The following SRPK2 variants were observed in gnomAD, a reference collection of about 807,000 sequenced individuals.
The protein encoded by SRPK2 is SFRS protein kinase 2.
A neutral mutation model predicts 90.8 loss-of-function variants in SRPK2; 21 were observed. The observed-to-expected ratio is 0.23, with a 90% CI of 0.16 to 0.33. The LOEUF (loss-of-function observed/expected upper bound fraction) is 0.33. Ranked by LOEUF, SRPK2 falls within the 10% of genes least tolerant of loss-of-function variation. The pLI is 1.00. For synonymous variants in SRPK2, 288 were observed against 311.1 expected (o/e 0.93, Z 0.78); for missense variants, 620 against 869.0 (o/e 0.71, Z 3.60).
At chr7:105,159,325 A>G (rs1249208257) in intron 7 of SRPK2, among the ~76,000 whole-genome samples, 2 of 151,836 alleles carry the variant, frequency 1.3e-5, no homozygotes, top group African/African-American at 4.8e-5. Flanking sequence ...GTCTCTACTA[A>G]AAATACAAAA....
intron 2 of SRPK2, among the ~76,000 whole-genome samples, chr7:105,233,091 A>AGAAGGTAG (rs1799679057): frequency 1.1e-5 from 1 of 91,846 alleles, no homozygotes; most frequent in Non-Finnish European, 2.3e-5. Context: ...AAGGAAGGAA[A>AGAAGGTAG]GAAGGAAGGA....
In SRPK2 at chr7:105,323,997, G is replaced by A. The variant is rs868447729; in HGVS notation, c.71+64651C>T. On this transcript the variant is annotated intron_variant, in intron 2 of 15. Coordinates refer to ENST00000393651, the MANE Select transcript of SRPK2 (RefSeq NM_182692.3). ...TGTGTGTGTGTGTGTGTGTGTGTGT[G>A]TGTGTGTGTGTGTGTGTGTGGTGGA... 5.8e-3 allele frequency among the ~76,000 whole-genome samples: 575 copies of A among 99,478 alleles called. 3 individuals carry two copies. The highest frequency in any genetic ancestry group is 0.013 in the African/African-American group (460 of 34,188). The allele number at this position is 99,478 out of a possible 152,430, so 65.3% of individuals were successfully genotyped here.
intron 7 of SRPK2, among the ~76,000 whole-genome samples, chr7:105,151,998 T>C (rs1336864609): frequency 6.9e-6 from 1 of 144,196 alleles, no homozygotes; most frequent in African/African-American, 2.6e-5. Context: ...CACTCCAGTA[T>C]GGGCAACAGA....
In SRPK2 at chr7:105,271,260, G is replaced by T. The variant is rs577932423; in HGVS notation, c.72-67475C>A. ...CAAGATTAAATTACACAGCTCTAAC[G>T]AAGTTAATGCCTATCTTGTAAACAC... On this transcript the variant is annotated intron_variant, in intron 2 of 15. Transcript: ENST00000393651. 7.9e-5 allele frequency among the ~76,000 whole-genome samples: 12 copies of T among 152,280 alleles called. 1 individual carries two copies. In the South Asian group the frequency reaches 2.5e-3, roughly 32 times the overall value.
chr7:105,144,008 A>C (rs1439050474), intron 9 of SRPK2: 1 of 152,208 alleles, frequency 6.6e-6, no homozygotes, highest in Non-Finnish European at 1.5e-5. Flanking sequence ...TTAATTATTA[A>C]AGCTCCCTCT....
intron 2 of SRPK2, among the ~76,000 whole-genome samples, chr7:105,226,492 C>A (rs1157402170): frequency 6.6e-6 from 1 of 151,942 alleles, no homozygotes; most frequent in Non-Finnish European, 1.5e-5. Context: ...GGTTTCACCA[C>A]GTTGGCCAGG....
At chr7:105,243,269 G>A (rs1801062243) in intron 2 of SRPK2, among the ~76,000 whole-genome samples, 1 of 152,274 alleles carries the variant, frequency 6.6e-6, no homozygotes, top group South Asian at 2.1e-4. Flanking sequence ...CTCCCAAAGT[G>A]CAGGGATTAC....
At chr7:105,310,333 C>A (rs1811569902) in intron 2 of SRPK2, among the ~76,000 whole-genome samples, 1 of 152,054 alleles carries the variant, frequency 6.6e-6, no homozygotes, top group African/African-American at 2.4e-5. Flanking sequence ...TAAATGCATT[C>A]AGAATTGTAA....
chr7:105,268,899 A>C lies in SRPK2; in HGVS notation c.72-65114T>G, dbSNP rs532172151. On this transcript the variant is annotated intron_variant, in intron 2 of 15. Transcript: ENST00000393651. Reference sequence around the variant, plus strand: ...AAAAATCAGAAAATATTCACAACCAAGATTGCCTGCCCTTGCTTTCAAGCC... The same window carrying C: ...AAAAATCAGAAAATATTCACAACCACGATTGCCTGCCCTTGCTTTCAAGCC... 14 of 1,572,178 alleles carry C rather than the reference A, an allele frequency of 8.9e-6. No homozygotes were observed. The South Asian group carries it at 1.5e-4, about 16-fold the overall frequency.
chr7:105,210,036 C>T (rs892676511), intron 2 of SRPK2, among the ~76,000 whole-genome samples: 19 of 152,206 alleles, frequency 1.2e-4, no homozygotes. Context: ...AAAAACTCAA[C>T]AACCGAGGAA....
intron 2 of SRPK2, among the ~76,000 whole-genome samples, chr7:105,310,776 C>T (rs1267561276): frequency 6.6e-6 from 1 of 152,262 alleles, no homozygotes; most frequent in East Asian, 1.9e-4. Context: ...TTCTTTTCCC[C>T]AATCTTTATT....
chr7:105,209,521 G>C (rs1268695655), intron 2 of SRPK2, among the ~76,000 whole-genome samples: 2 of 151,226 alleles, frequency 1.3e-5, no homozygotes, highest in Non-Finnish European at 2.9e-5. Context: ...CTGCATGACA[G>C]AGTGAGACCC....
chr7:105,301,536 C>T, intron 2 of SRPK2: 5 of 1,527,318 alleles, frequency 3.3e-6, no homozygotes, highest in Non-Finnish European at 4.5e-6. Context: ...CCAACGAGGA[C>T]CAGGAGATGG....
At chr7:105,157,834 G>T (rs1806756885) in intron 7 of SRPK2, among the ~76,000 whole-genome samples, 1 of 152,208 alleles carries the variant, frequency 6.6e-6, no homozygotes, top group Non-Finnish European at 1.5e-5. Context: ...GGGAGGCTGA[G>T]ATGGGAAGAC....
chr7:105,147,016 G>A lies in SRPK2; in HGVS notation c.622-358C>T, dbSNP rs142923178. On this transcript the variant is annotated intron_variant, in intron 7 of 15. Coordinates refer to ENST00000393651, the MANE Select transcript of SRPK2 (RefSeq NM_182692.3). The stretch of plus-strand genomic sequence containing the variant: ...ACCAACCCCTCAGCCTACTCAACGC[G>A]AAGATAATGAGGATGAAGACCTTTA... 3.1e-3 allele frequency among the ~76,000 whole-genome samples: 473 copies of A among 152,278 alleles called. 14 individuals are homozygous for A. The East Asian group carries it at 0.062, about 20-fold the overall frequency.
At chr7:105,217,953 T>C (rs1464916822) in intron 2 of SRPK2, among the ~76,000 whole-genome samples, 2 of 152,196 alleles carry the variant, frequency 1.3e-5, no homozygotes, top group African/African-American at 4.8e-5. Flanking sequence ...AAGGTATACA[T>C]GTTCTCTCCA....
intron 2 of SRPK2, among the ~76,000 whole-genome samples, chr7:105,276,602 G>A (rs1431746596): frequency 6.6e-6 from 1 of 151,798 alleles, no homozygotes; most frequent in Non-Finnish European, 1.5e-5. Flanking sequence ...AGGTAAGCAT[G>A]GTGACATGCA....
chr7:105,223,583 ATC>A (rs766246081), intron 2 of SRPK2, among the ~76,000 whole-genome samples: 12 of 152,188 alleles, frequency 7.9e-5, no homozygotes, highest in Non-Finnish European at 1.6e-4. Context: ...TCCCCCACAG[ATC>A]TCAACTATAG....
At chr7:105,297,410 C>T in intron 2 of SRPK2, 1 of 963,604 alleles carries the variant, frequency 1.0e-6, no homozygotes, top group Non-Finnish European at 1.2e-6. Context: ...ATAAATTGTA[C>T]TTAATGTTAC....
Sources: gnomAD v4.1 joint callset for allele counts (sites outside exome capture counted in the v4.1 genomes callset) on GRCh38, gnomAD v4.1.1 for gene constraint, MANE v1.5 for transcripts, NCBI Gene and HGNC (gene_info 2026-07-23, HGNC 2026-07-21) for gene names.